Variants in POLR3B observed in about 807,000 individuals in gnomAD.
POLR3B encodes the protein DNA-directed RNA polymerase III subunit RPC2.
POLR3B carries 96 observed loss-of-function variants against 147.4 expected under a neutral mutation model. That is an observed-to-expected ratio of 0.65 (90% confidence interval 0.55 to 0.77). The LOEUF is 0.77. Among genes scored for constraint, POLR3B ranks in the 30% least tolerant of loss-of-function variants. POLR3B has a pLI of 0.00. For synonymous variants in POLR3B, 461 were observed against 485.9 expected (o/e 0.95, Z 0.67); for missense variants, 1,036 against 1,413.5 (o/e 0.73, Z 4.28).
chr12:106,469,398 T>G (rs1173573675), intron 23 of POLR3B, among the ~76,000 whole-genome samples: 1 of 152,146 alleles, frequency 6.6e-6, no homozygotes, highest in African/African-American at 2.4e-5. Flanking sequence ...CTTGACTCTT[T>G]ATCCAATTTG....
Position 106,451,986 on chromosome 12 carries a change from C to T in POLR3B, c.2084-2516C>T, listed in dbSNP as rs369675798. The stretch of plus-strand genomic sequence containing the variant: ...TAGAATGCAACTTATAGATATTCTC[C>T]TTGTGTTATTTTATATGTGTGTATA... On this transcript the variant is annotated intron_variant, in intron 19 of 27. Transcript: ENST00000228347. 5.9e-5 allele frequency among the ~76,000 whole-genome samples: 9 copies of T among 152,160 alleles called. No individual in the cohort carries two copies. The East Asian group carries it at 1.4e-3, about 23-fold the overall frequency.
At chr12:106,383,462 C>CTT (rs35608186) in intron 9 of POLR3B, among the ~76,000 whole-genome samples, 10 of 151,478 alleles carry the variant, frequency 6.6e-5, no homozygotes, top group Admixed American at 5.9e-4. Context: ...ACATGCAACC[C>CTT]TTTTTTTTAC....
intron 23 of POLR3B, among the ~76,000 whole-genome samples, chr12:106,471,723 T>C (rs548312599): frequency 2.6e-5 from 4 of 152,218 alleles, no homozygotes; most frequent in African/African-American, 9.6e-5. Flanking sequence ...GAATTCACAA[T>C]GTATATGAAT....
At chr12:106,390,473 T>C (rs1395804522) in intron 9 of POLR3B, among the ~76,000 whole-genome samples, 1 of 152,104 alleles carries the variant, frequency 6.6e-6, no homozygotes, top group Admixed American at 6.5e-5. Context: ...GTGCTTGAGC[T>C]AAGAATAATC....
chr12:106,364,009 T>A, intron 2 of POLR3B, 107 bp downstream of exon 2: 1 of 797,968 alleles, frequency 1.3e-6, no homozygotes, highest in Non-Finnish European at 2.1e-6. Flanking sequence ...TTTTTGATTT[T>A]GTATAGCTGT....
rs201656430 is a variant in POLR3B at position 106,441,620 on chromosome 12, T to TA, written c.1956-2843_1956-2842insA. Among the ~76,000 whole-genome samples, 87 of 152,326 alleles carry TA rather than the reference T, an allele frequency of 5.7e-4. 2 individuals are homozygous for TA. In the East Asian group the frequency reaches 9.4e-3, roughly 17 times the overall value. ...GTGTGTGACTGTATACATATATATA[T>TA]TTTTTTAATTGCCATTTGTTATTAC... On this transcript the variant is annotated intron_variant, in intron 18 of 27. Coordinates refer to ENST00000228347, the MANE Select transcript of POLR3B (RefSeq NM_018082.6).
chr12:106,504,262 G>A lies in POLR3B; in HGVS notation c.3272+8G>A. ...TCTGGGGTATTCTGGCTGGTAAGTG[G>A]ATACCATATGTCTCCCATACCACAC... On this transcript the variant is annotated splice_region_variant and intron_variant, in intron 27 of 27. Transcript: ENST00000228347. This position sits in a 1 kb window ranked among gnomAD's most constrained non-coding sequence, Gnocchi z 4.6. The A allele has an allele frequency of 1.2e-6, 2 of 1,608,524 alleles. No individual in the cohort carries two copies. The highest frequency in any genetic ancestry group is 1.7e-6 in the Non-Finnish European group (2 of 1,174,932).
chr12:106,427,117 A>G, intron 12 of POLR3B, 80 bp from the exon 13 acceptor site: 1 of 969,732 alleles, frequency 1.0e-6, no homozygotes, highest in South Asian at 1.6e-5. Context: ...TTTTTTAAAA[A>G]TCTTAAGACC....
intron 19 of POLR3B, among the ~76,000 whole-genome samples, chr12:106,452,367 A>G (rs1044693053): frequency 4.6e-5 from 7 of 152,192 alleles, no homozygotes; most frequent in Admixed American, 4.6e-4. Flanking sequence ...CTGTTCATCC[A>G]TTCAGTGGTC....
At chr12:106,415,804 A>G (rs2136942404) in intron 12 of POLR3B, among the ~76,000 whole-genome samples, 1 of 152,344 alleles carries the variant, frequency 6.6e-6, no homozygotes, top group East Asian at 1.9e-4. Flanking sequence ...AGCATAGCAA[A>G]AAGAATTTTA....
chr12:106,453,068 A>G (rs1012029604), intron 19 of POLR3B, among the ~76,000 whole-genome samples: 1 of 141,772 alleles, frequency 7.1e-6, no homozygotes, highest in African/African-American at 2.7e-5. Flanking sequence ...TCTATTGCCC[A>G]GGCTGGAGTG....
chr12:106,463,695 C>A (rs2037969607), intron 23 of POLR3B, 75 bp downstream of exon 23: 2 of 1,275,170 alleles, frequency 1.6e-6, no homozygotes, highest in Non-Finnish European at 2.3e-6. Context: ...AATAAAATTC[C>A]CCCATTTAAA....
intron 8 of POLR3B, among the ~76,000 whole-genome samples, chr12:106,379,363 C>T (rs2036728792): frequency 6.6e-6 from 1 of 152,200 alleles, no homozygotes; most frequent in South Asian, 2.1e-4. Flanking sequence ...AGTTAGTTAG[C>T]TTCTCTAAGC....
Position 106,427,180 on chromosome 12 carries a change from T to A in POLR3B, c.1102-17T>A. 1 of 123,448 alleles carries A rather than the reference T, an allele frequency of 8.1e-6. No homozygotes were observed. Among genetic ancestry groups the A allele is most frequent in the East Asian group, 2.4e-3 (1 of 418 alleles). The allele number at this position is 123,448 out of a possible 1,614,324, so 7.6% of individuals were successfully genotyped here. A position where few individuals can be genotyped will look rare whatever the true frequency, so the allele number is the denominator to read the frequency against. ...GCTTTTTGAAAAATCACCATATACCTTTTTTTTTTTTTTTAGCTTTTATCT... is the reference window on the plus strand; with the variant it reads ...GCTTTTTGAAAAATCACCATATACCATTTTTTTTTTTTTTAGCTTTTATCT... On this transcript the variant is annotated splice_polypyrimidine_tract_variant and intron_variant, in intron 12 of 27. Coordinates refer to ENST00000228347, the MANE Select transcript of POLR3B (RefSeq NM_018082.6).
At chr12:106,382,456 C>T (rs910601383) in intron 9 of POLR3B, among the ~76,000 whole-genome samples, 6 of 152,098 alleles carry the variant, frequency 3.9e-5, no homozygotes, top group African/African-American at 1.4e-4. Context: ...TGTCCAGATC[C>T]ATCAAAGGAA....
chr12:106,444,610 A>AG lies in POLR3B; in HGVS notation c.2083+21dup. The AG allele has an allele frequency of 1.2e-6, 2 of 1,612,952 alleles. No homozygotes were observed. The highest frequency in any genetic ancestry group is 1.7e-6 in the Non-Finnish European group (2 of 1,179,276). ...CCATGGGTAAGATTTCCTTCTTGAAAGTTGGTTCTAAATACTTGGAAATAC... is the reference window on the plus strand; with the variant it reads ...CCATGGGTAAGATTTCCTTCTTGAAAGGTTGGTTCTAAATACTTGGAAATAC... On this transcript the variant is annotated intron_variant, in intron 19 of 27. Transcript: ENST00000228347.
intron 25 of POLR3B, among the ~76,000 whole-genome samples, chr12:106,500,351 G>T (rs2038578954): frequency 6.6e-6 from 1 of 152,228 alleles, no homozygotes; most frequent in Admixed American, 6.5e-5. Context: ...CATTGAAGCA[G>T]TTATGTAATA....
At chr12:106,432,724 C>T (rs894317534) in intron 15 of POLR3B, among the ~76,000 whole-genome samples, 2 of 152,158 alleles carry the variant, frequency 1.3e-5, no homozygotes, top group African/African-American at 4.8e-5. Flanking sequence ...GCTGCTTTCT[C>T]CCCTTTTGCA....
At chr12:106,436,045 T>C (rs976012426) in intron 16 of POLR3B, among the ~76,000 whole-genome samples, 7 of 152,152 alleles carry the variant, frequency 4.6e-5, no homozygotes, top group Non-Finnish European at 7.3e-5. Context: ...AGGCTCTGCT[T>C]CCCTACCAAG....
Sources: allele counts gnomAD v4.1 joint callset (sites outside exome capture counted in the v4.1 genomes callset), GRCh38; gene constraint gnomAD v4.1.1; non-coding constraint Gnocchi (gnomAD v3.1); transcripts MANE v1.5; gene names NCBI Gene and HGNC (gene_info 2026-07-23, HGNC 2026-07-21).